The following SLC25A16 variants were observed in gnomAD, a reference collection of about 807,000 sequenced individuals.
SLC25A16 encodes the protein mitochondrial coenzyme A transporter SLC25A16.
SLC25A16 carries 39 observed loss-of-function variants against 41.5 expected under a neutral mutation model. The observed-to-expected ratio is 0.94, with a 90% confidence interval of 0.73 to 1.23. SLC25A16 has a LOEUF of 1.23. Ranked by LOEUF, SLC25A16 falls within the 50% of genes most tolerant of loss-of-function variation. SLC25A16 has a pLI of 0.00. For synonymous variants in SLC25A16, 146 were observed against 147.8 expected, an observed-to-expected ratio of 0.99 and a Z score of 0.09; for missense variants, 421 against 426.9, an observed-to-expected ratio of 0.99 and a Z score of 0.12.
chr10:68,524,345 C>A, intron 1 of SLC25A16, among the ~76,000 whole-genome samples: 4 of 124,336 alleles, frequency 3.2e-5, no homozygotes, highest in African/African-American at 1.3e-4. Context: ...AGATCGAGAC[C>A]ATCCTGGCCA....
chr10:68,488,918 G>A (rs554180927), intron 6 of SLC25A16, among the ~76,000 whole-genome samples: 1 of 152,234 alleles, frequency 6.6e-6, no homozygotes, highest in South Asian at 2.1e-4. Flanking sequence ...GGTTTCACAT[G>A]AGAAAAATTA....
rs528052860 is a variant in SLC25A16 at position 68,509,228 on chromosome 10, G to A, written c.224-2510C>T. ...GGCGGGTGCCTGTAATCCCAGCTAC[G>A]AGGGAGGGTGAAGCAGGAGAACTGT... On this transcript the variant is annotated intron_variant, in intron 2 of 8. Coordinates refer to ENST00000609923, the MANE Select transcript of SLC25A16 (RefSeq NM_152707.4). 3.3e-5 allele frequency among the ~76,000 whole-genome samples: 5 copies of A among 151,742 alleles called. No individual in the cohort carries two copies. The South Asian group carries it at 6.3e-4, about 19-fold the overall frequency.
intron 1 of SLC25A16, among the ~76,000 whole-genome samples, chr10:68,519,270 C>T (rs538729708): frequency 6.6e-6 from 1 of 150,844 alleles, no homozygotes; most frequent in South Asian, 2.1e-4. Context: ...GGGTGGATCA[C>T]GAGGTCAGGA....
intron 2 of SLC25A16, among the ~76,000 whole-genome samples, chr10:68,514,352 C>T (rs576181064): frequency 2.0e-3 from 300 of 152,052 alleles, no homozygotes; most frequent in Non-Finnish European, 3.7e-3. Flanking sequence ...AAAAATTAGC[C>T]GGGCGTGGTG....
At chr10:68,494,185 C>T (rs2052708788) in intron 4 of SLC25A16, among the ~76,000 whole-genome samples, 1 of 152,154 alleles carries the variant, frequency 6.6e-6, no homozygotes. Flanking sequence ...GTTTAATAGG[C>T]CAGGCGTGGT....
Position 68,527,100 on chromosome 10 carries a change from G to C in SLC25A16, c.130+146C>G, listed in dbSNP as rs1196310383. On this transcript the variant is annotated intron_variant, in intron 1 of 8. Transcript: ENST00000609923. ...ATTAGTCAAGTGATTACTAGAAAGA[G>C]GTTACAGCAGGTCAGGGCAGACATC... The C allele has an allele frequency of 8.7e-6, 7 of 804,612 alleles. No homozygotes were observed. In the East Asian group the frequency reaches 2.2e-4, roughly 26 times the overall value. 49.8% of individuals were successfully genotyped at this position (804,612 alleles called of 1,614,324 possible).
At chr10:68,522,790 A>T (rs1240184239) in intron 1 of SLC25A16, among the ~76,000 whole-genome samples, 3 of 141,672 alleles carry the variant, frequency 2.1e-5, no homozygotes, top group Non-Finnish European at 4.5e-5. Flanking sequence ...ACTCTAGCCT[A>T]GGCAACAGAG....
intron 2 of SLC25A16, among the ~76,000 whole-genome samples, chr10:68,511,465 G>C (rs1433681453): frequency 6.6e-6 from 1 of 152,074 alleles, no homozygotes; most frequent in Non-Finnish European, 1.5e-5. Flanking sequence ...AATCTAATAT[G>C]AATGTGTAAC....
intron 2 of SLC25A16, among the ~76,000 whole-genome samples, chr10:68,508,939 C>T (rs1381545471): frequency 2.0e-5 from 3 of 152,086 alleles, no homozygotes; most frequent in African/African-American, 4.8e-5. Flanking sequence ...GTTGCAGGTC[C>T]ACATATGTTT....
At chr10:68,501,185 G>C (rs1380034365) in intron 4 of SLC25A16, among the ~76,000 whole-genome samples, 1 of 150,170 alleles carries the variant, frequency 6.7e-6, no homozygotes, top group East Asian at 2.0e-4. Context: ...CAGGAGGTGG[G>C]GGTTGCAGCG....
rs925464816 is a variant in SLC25A16, at chr10:68,527,497, G to A, written c.-122C>T. ...CGCCGGCGGGGCAAAGTAACACCCGGCGGCGCGGCGCCGGCTGATGGCGTA... is the reference window on the plus strand; with the variant it reads ...CGCCGGCGGGGCAAAGTAACACCCGACGGCGCGGCGCCGGCTGATGGCGTA... On this transcript the variant is annotated 5_prime_UTR_variant, in exon 1 of 9. Coordinates refer to ENST00000609923, the MANE Select transcript of SLC25A16 (RefSeq NM_152707.4). The A allele has an allele frequency of 1.8e-5, 17 of 931,266 alleles. No individual in the cohort carries two copies. The East Asian group carries it at 3.2e-4, about 17-fold the overall frequency. 57.7% of individuals were successfully genotyped at this position (931,266 alleles called of 1,614,324 possible).
intron 2 of SLC25A16, among the ~76,000 whole-genome samples, chr10:68,507,070 CTT>C (rs71019019): frequency 2.6e-4 from 30 of 115,590 alleles, no homozygotes; most frequent in African/African-American, 6.5e-4. Context: ...ATGACCTACT[CTT>C]TTTTTTTTTT....
intron 2 of SLC25A16, among the ~76,000 whole-genome samples, chr10:68,509,743 C>CTATATATA (rs199603840): frequency 6.9e-6 from 1 of 144,664 alleles, no homozygotes; most frequent in South Asian, 2.1e-4. Context: ...ATATATATAT[C>CTATATATA]TATATATATA....
chr10:68,486,161 T>C (rs867535233), intron 8 of SLC25A16, among the ~76,000 whole-genome samples: 29 of 144,976 alleles, frequency 2.0e-4, no homozygotes, highest in Admixed American at 5.6e-4. Context: ...GAGGTTGCAG[T>C]GAGCTGAGTT....
chr10:68,519,975 C>CT lies in SLC25A16; in HGVS notation c.131-3133dup, dbSNP rs368687197. Among the ~76,000 whole-genome samples the CT allele has an allele frequency of 7.1e-3, 720 of 101,894 alleles. 11 individuals carry two copies. The highest frequency in any genetic ancestry group is 0.018 in the African/African-American group (538 of 29,280). The allele number at this position is 101,894 out of a possible 152,430, so 66.8% of individuals were successfully genotyped here. ...AATAAGTACTTTTATATAATAGTAT[C>CT]TTTTTTTTTTTTTTTCCAGGGCTGG... On this transcript the variant is annotated intron_variant, in intron 1 of 8. Transcript: ENST00000609923.
intron 1 of SLC25A16, among the ~76,000 whole-genome samples, chr10:68,523,659 G>T (rs1430042124): frequency 6.6e-6 from 1 of 152,052 alleles, no homozygotes; most frequent in Non-Finnish European, 1.5e-5. Context: ...ATTTTTAGTA[G>T]AGATGGGGTT....
chr10:68,478,293 G>A lies in SLC25A16; in HGVS notation c.*5139C>T, dbSNP rs2052449945. On this transcript the variant is annotated 3_prime_UTR_variant, in exon 9 of 9. Transcript: ENST00000609923. The stretch of plus-strand genomic sequence containing the variant: ...AGGCATCAAAGGTGCTTAAAACAAG[G>A]AATGCCACATAATTCTTCAGGAAAT... 1 of 152,098 alleles carries A rather than the reference G, an allele frequency of 6.6e-6. No individual in the cohort carries two copies. Among genetic ancestry groups the A allele is most frequent in the Non-Finnish European group, 1.5e-5 (1 of 68,032 alleles). The allele number at this position is 152,098 out of a possible 1,614,324, so 9.4% of individuals were successfully genotyped here. A position where few individuals can be genotyped will look rare whatever the true frequency, so the allele number is the denominator to read the frequency against.
intron 2 of SLC25A16, among the ~76,000 whole-genome samples, chr10:68,508,403 T>A (rs1405243046): frequency 4.0e-5 from 5 of 126,144 alleles, no homozygotes; most frequent in Admixed American, 8.3e-5. Context: ...CAGGAAGCTT[T>A]AAAAAAAAAA....
At chr10:68,519,049 G>A (rs932682082) in intron 1 of SLC25A16, among the ~76,000 whole-genome samples, 2 of 151,578 alleles carry the variant, frequency 1.3e-5, no homozygotes, top group African/African-American at 4.8e-5. Context: ...AAAATTAGCT[G>A]GGTGTGATGA....
Sources: allele counts gnomAD v4.1 joint callset (sites outside exome capture counted in the v4.1 genomes callset), GRCh38; gene constraint gnomAD v4.1.1; transcripts MANE v1.5; gene names NCBI Gene and HGNC (gene_info 2026-07-23, HGNC 2026-07-21).